CCN4: variants seen among roughly 807,000 people sequenced by gnomAD.
CCN4 encodes cellular communication network factor 4, also known as CCN family member 4.
CCN4 carries 30 observed loss-of-function variants against 36.7 expected under a neutral mutation model. That is an observed-to-expected ratio of 0.82 (90% CI 0.61 to 1.11). The LOEUF (loss-of-function observed/expected upper bound fraction) is 1.11. CCN4 is among the 50% of genes least tolerant of loss of function. The pLI, the probability that CCN4 is intolerant of heterozygous loss-of-function variation, is 0.00. For synonymous variants in CCN4, 191 were observed against 195.4 expected (o/e 0.98, Z 0.19); for missense variants, 505 against 504.9 (o/e 1.00, Z 0.00).
At chr8:133,202,017 A>G (rs1179152795) in intron 1 of CCN4, among the ~76,000 whole-genome samples, 1 of 152,224 alleles carries the variant, frequency 6.6e-6, no homozygotes, top group Non-Finnish European at 1.5e-5. Flanking sequence ...AGCAAAGAAC[A>G]CAGTTTAAAT....
At chr8:133,198,705 C>T (rs1000914665) in intron 1 of CCN4, among the ~76,000 whole-genome samples, 2 of 152,220 alleles carry the variant, frequency 1.3e-5, no homozygotes, top group Non-Finnish European at 2.9e-5. Flanking sequence ...CCCATGGGTT[C>T]TTGTTCTTGC....
At chr8:133,213,889 AGTT>A (rs1298675749) in intron 2 of CCN4, among the ~76,000 whole-genome samples, 1 of 130,294 alleles carries the variant, frequency 7.7e-6, no homozygotes, top group African/African-American at 2.8e-5. Context: ...TATATATAGT[AGTT>A]AAATATACTA....
intron 3 of CCN4, 41 bp from the exon 4 acceptor site, chr8:133,225,349 G>A (rs1474019807): frequency 4.6e-6 from 7 of 1,529,692 alleles, no homozygotes; most frequent in Admixed American, 1.9e-5. Context: ...GGGGGCTGGT[G>A]GGAGCTGTAG....
At chr8:133,212,358 CG>C (rs543257491) in intron 1 of CCN4, among the ~76,000 whole-genome samples, 29 of 152,060 alleles carry the variant, frequency 1.9e-4, no homozygotes, top group Admixed American at 1.7e-3. Context: ...AATAGGTCAG[CG>C]GGCCGAAACC....
chr8:133,224,297 C>T (rs550309357), intron 3 of CCN4, among the ~76,000 whole-genome samples: 35 of 132,630 alleles, frequency 2.6e-4, no homozygotes, highest in Admixed American at 2.5e-3. Context: ...CTGGAGTGCA[C>T]GGGCACGATC....
chr8:133,191,076 C>T lies in CCN4; in HGVS notation c.-69C>T. 6.4e-7 allele frequency: 1 copy of T among 1,568,870 alleles called. No homozygotes were observed. Among genetic ancestry groups the T allele is most frequent in the South Asian group, 1.1e-5 (1 of 89,164 alleles). On this transcript the variant is annotated 5_prime_UTR_variant, in exon 1 of 5. It introduces an in-frame stop codon into an upstream open reading frame of the 5' UTR. Coordinates refer to ENST00000250160, the MANE Select transcript of CCN4 (RefSeq NM_003882.4). The stretch of plus-strand genomic sequence containing the variant: ...CCTGATGGGCCGGCCAGTCTGGGCC[C>T]AGCTCCCCCGAGAGGTGGTCGGATC...
At chr8:133,211,581 G>A (rs1478407406) in intron 1 of CCN4, among the ~76,000 whole-genome samples, 1 of 152,154 alleles carries the variant, frequency 6.6e-6, no homozygotes, top group Admixed American at 6.5e-5. Context: ...CTCAGCACCG[G>A]AGCCTGGTGT....
In CCN4 at chr8:133,212,970, C is replaced by A; in HGVS notation, c.176C>A (p.Pro59Gln). ...CKWPCECPPS[P>Q]PRCPLGVSLI... ...TGGCCATGTGAGTGCCCGCCATCCC[C>A]ACCCCGCTGCCCGCTGGGGGTCAGC... The change falls in exon 2 of 5, where the codon CCA becomes CAA. Residue 59 changes from proline (P) to glutamine (Q), a missense_variant. Transcript: ENST00000250160. The A allele has an allele frequency of 6.2e-7, 1 of 1,614,124 alleles. No individual in the cohort carries two copies. Among genetic ancestry groups the A allele is most frequent in the Non-Finnish European group, 8.5e-7 (1 of 1,180,012 alleles).
In CCN4 at chr8:133,212,962, G is replaced by A. The variant is rs533662816; in HGVS notation, c.168G>A (p.Pro56=). 3.7e-6 allele frequency: 6 copies of A among 1,613,926 alleles called. No individual in the cohort carries two copies. In the South Asian group the frequency reaches 5.5e-5, roughly 15 times the overall value. ...PQFCKWPCEC[P]PSPPRCPLGV... is the part of the protein sequence containing the mutation. ...TCTGCAAGTGGCCATGTGAGTGCCCGCCATCCCCACCCCGCTGCCCGCTGG... is the reference window on the plus strand; with the variant it reads ...TCTGCAAGTGGCCATGTGAGTGCCCACCATCCCCACCCCGCTGCCCGCTGG... The change falls in exon 2 of 5, where the codon CCG becomes CCA. Residue 56 remains proline (P), a synonymous_variant. Transcript: ENST00000250160.
At chr8:133,220,036 A>G (rs762116944) in intron 2 of CCN4, among the ~76,000 whole-genome samples, 2 of 151,322 alleles carry the variant, frequency 1.3e-5, no homozygotes, top group African/African-American at 2.4e-5. Flanking sequence ...TTTCTCCCAG[A>G]CACTTGTAAC....
Position 133,220,686 on chromosome 8 carries a change from GCTGCACACCA to G in CCN4, c.459_468del (p.Thr154AlafsTer17), listed in dbSNP as rs1331940346. 1 of 1,613,976 alleles carries G rather than the reference GCTGCACACCA, an allele frequency of 6.2e-7. No individual in the cohort carries two copies. The highest frequency in any genetic ancestry group is 8.5e-7 in the Non-Finnish European group (1 of 1,179,968). On this transcript the variant is annotated frameshift_variant, in exon 3 of 5. Transcript: ENST00000250160. LOFTEE classifies it high-confidence loss of function. Reference sequence around the variant, plus strand: ...TGCACGTGCATCGACGGCGCGGTGGGCTGCACACCACTGTGCCTCCGAGTGCGCCCCCCGC... The same window carrying G: ...TGCACGTGCATCGACGGCGCGGTGGGCTGTGCCTCCGAGTGCGCCCCCCGC...
intron 1 of CCN4, among the ~76,000 whole-genome samples, chr8:133,207,893 G>C (rs968760987): frequency 6.6e-6 from 1 of 152,046 alleles, no homozygotes; most frequent in Non-Finnish European, 1.5e-5. Context: ...TATGTGTCAG[G>C]CTTTGTGAGG....
At chr8:133,208,947 T>C (rs1035698045) in intron 1 of CCN4, among the ~76,000 whole-genome samples, 4 of 152,258 alleles carry the variant, frequency 2.6e-5, no homozygotes, top group African/African-American at 9.6e-5. Flanking sequence ...TGTTATAGCA[T>C]TGATTGCACT....
intron 3 of CCN4, among the ~76,000 whole-genome samples, chr8:133,223,156 G>A (rs1479219538): frequency 2.6e-5 from 4 of 152,092 alleles, no homozygotes; most frequent in Non-Finnish European, 4.4e-5. Flanking sequence ...CAGCCCCAGG[G>A]CAGCAAGGCA....
intron 2 of CCN4, 34 bp from the exon 3 acceptor site, chr8:133,220,547 G>A: frequency 6.3e-7 from 1 of 1,597,654 alleles, no homozygotes; most frequent in Non-Finnish European, 8.6e-7. Flanking sequence ...GGGCACCAAG[G>A]CCACTGGGCC....
chr8:133,216,910 A>C (rs2048288669), intron 2 of CCN4, among the ~76,000 whole-genome samples: 1 of 152,238 alleles, frequency 6.6e-6, no homozygotes, highest in South Asian at 2.1e-4. Flanking sequence ...AAGTTACCTC[A>C]GTCTTATTCA....
At chr8:133,198,655 G>A (rs773435472) in intron 1 of CCN4, among the ~76,000 whole-genome samples, 24 of 152,206 alleles carry the variant, frequency 1.6e-4, no homozygotes, top group Non-Finnish European at 2.6e-4. Context: ...TGAACTGGTG[G>A]CCTCCTCCAA....
At chr8:133,196,094 G>A (rs1588179245) in intron 1 of CCN4, among the ~76,000 whole-genome samples, 1 of 152,226 alleles carries the variant, frequency 6.6e-6, no homozygotes, top group Non-Finnish European at 1.5e-5. Flanking sequence ...CTCATTCAAG[G>A]ACACTGTGGT....
chr8:133,205,526 C>T (rs1402927009), intron 1 of CCN4, among the ~76,000 whole-genome samples: 2 of 152,150 alleles, frequency 1.3e-5, no homozygotes, highest in Non-Finnish European at 2.9e-5. Flanking sequence ...TCTCCATCTG[C>T]AGAACAGGCC....
Sources: gnomAD v4.1 joint callset for allele counts (sites outside exome capture counted in the v4.1 genomes callset) on GRCh38, gnomAD v4.1.1 for gene constraint, MANE v1.5 for transcripts, NCBI Gene and HGNC (gene_info 2026-07-23, HGNC 2026-07-21) for gene names.